Variants in SERPINB7 observed in about 807,000 individuals in gnomAD.
SERPINB7 encodes the protein serpin B7.
Under a neutral mutation model 37.4 loss-of-function variants are expected in SERPINB7, and 31 were observed. The observed-to-expected ratio is 0.83, with a 90% confidence interval of 0.62 to 1.12. SERPINB7 has a LOEUF of 1.12. Ranked by LOEUF, SERPINB7 falls within the 50% of genes most tolerant of loss-of-function variation. The pLI, the probability that SERPINB7 is intolerant of heterozygous loss-of-function variation, is 0.00. For synonymous variants in SERPINB7, 163 were observed against 166.1 expected (o/e 0.98, Z 0.14); for missense variants, 521 against 455.3 (o/e 1.14, Z -1.31).
chr18:63,789,677 A>T (rs888672960), intron 2 of SERPINB7, among the ~76,000 whole-genome samples: 6 of 152,222 alleles, frequency 3.9e-5, no homozygotes, highest in Non-Finnish European at 8.8e-5. Context: ...CATATTTTTA[A>T]AGGTATTGAA....
At chr18:63,756,577 A>C (rs1236474985) in intron 1 of SERPINB7, among the ~76,000 whole-genome samples, 8 of 152,202 alleles carry the variant, frequency 5.3e-5, no homozygotes, top group East Asian at 1.9e-4. Context: ...GAGTGGGCCC[A>C]GGTCTCCACT....
chr18:63,755,804 G>C (rs1325119778), intron 1 of SERPINB7, among the ~76,000 whole-genome samples: 1 of 152,068 alleles, frequency 6.6e-6, no homozygotes, highest in African/African-American at 2.4e-5. Flanking sequence ...TGAGGTGTGA[G>C]AATTGCTTGA....
At chr18:63,797,223 A>G (rs1338498445) in intron 5 of SERPINB7, among the ~76,000 whole-genome samples, 1 of 152,214 alleles carries the variant, frequency 6.6e-6, no homozygotes, top group Non-Finnish European at 1.5e-5. Context: ...TACTAAGCCT[A>G]GCTGTGCCTC....
intron 1 of SERPINB7, among the ~76,000 whole-genome samples, chr18:63,758,353 T>C (rs1251474807): frequency 1.3e-5 from 2 of 152,194 alleles, no homozygotes; most frequent in African/African-American, 2.4e-5. Flanking sequence ...ACTTTCTGCC[T>C]GATAGGACTT....
At chr18:63,793,774 T>C (rs1447876702) in intron 4 of SERPINB7, among the ~76,000 whole-genome samples, 1 of 152,232 alleles carries the variant, frequency 6.6e-6, no homozygotes, top group Non-Finnish European at 1.5e-5. Context: ...TTGCTGCAAC[T>C]ACAGGCATGA....
chr18:63,791,932 C>T (rs1330600386), intron 2 of SERPINB7, among the ~76,000 whole-genome samples: 6 of 152,130 alleles, frequency 3.9e-5, no homozygotes, highest in African/African-American at 1.2e-4. Context: ...TTCTGAGTTA[C>T]ATCATTGTAT....
chr18:63,762,199 A>C (rs548255160), intron 1 of SERPINB7, among the ~76,000 whole-genome samples: 1 of 152,204 alleles, frequency 6.6e-6, no homozygotes, highest in Non-Finnish European at 1.5e-5. Context: ...CCTGTGAAGA[A>C]AATTCGTTCA....
At chr18:63,801,120 G>T in intron 7 of SERPINB7, 108 bp downstream of exon 7, 1 of 1,030,912 alleles carries the variant, frequency 9.7e-7, no homozygotes. Flanking sequence ...AGATACTAGA[G>T]ACTTACCTGC....
chr18:63,793,858 G>A (rs917778031), intron 4 of SERPINB7, among the ~76,000 whole-genome samples: 8 of 152,098 alleles, frequency 5.3e-5, no homozygotes, highest in African/African-American at 1.9e-4. Context: ...ACATAGACAA[G>A]TCTTAGAAGG....
At chr18:63,776,055 T>A (rs1028480938) in intron 1 of SERPINB7, among the ~76,000 whole-genome samples, 1 of 152,100 alleles carries the variant, frequency 6.6e-6, no homozygotes, top group African/African-American at 2.4e-5. Flanking sequence ...CTTGGCTTGG[T>A]GTCCCAGCCC....
At chr18:63,768,258 T>A (rs1445112114) in intron 1 of SERPINB7, among the ~76,000 whole-genome samples, 1 of 142,460 alleles carries the variant, frequency 7.0e-6, no homozygotes, top group Non-Finnish European at 1.5e-5. Context: ...GGTTTGAGAC[T>A]GTTCTTCATT....
intron 5 of SERPINB7, 85 bp from the exon 6 acceptor site, chr18:63,798,519 A>C (rs575876885): frequency 1.8e-6 from 2 of 1,089,766 alleles, no homozygotes; most frequent in African/African-American, 3.2e-5. Context: ...TAAGAAAAAA[A>C]CTTCATACCA....
chr18:63,801,993 G>T (rs541490496), intron 7 of SERPINB7, among the ~76,000 whole-genome samples: 4 of 152,124 alleles, frequency 2.6e-5, no homozygotes, highest in Non-Finnish European at 5.9e-5. Flanking sequence ...GTTTTGGGAA[G>T]GGCTACTATG....
At chr18:63,789,868 C>T (rs1429376265) in intron 2 of SERPINB7, among the ~76,000 whole-genome samples, 1 of 152,146 alleles carries the variant, frequency 6.6e-6, no homozygotes, top group African/African-American at 2.4e-5. Flanking sequence ...GTACCATATG[C>T]TCACAGTGAC....
chr18:63,796,293 T>C lies in SERPINB7; in HGVS notation c.364T>C (p.Tyr122His). Residue 122 changes from tyrosine to histidine, a missense_variant, in exon 5 of 8, where the codon TAC (tyrosine) becomes CAC (histidine). Physicochemically the swap from Tyr to His is moderately conservative, Grantham distance 83 (BLOSUM62 2). Coordinates refer to ENST00000398019, the MANE Select transcript of SERPINB7 (RefSeq NM_003784.4). ...KDYIECAEKLYDAKVERVDFT... is the reference protein window; with the variant it reads ...KDYIECAEKLHDAKVERVDFT... ...CTACATTGAGTGTGCCGAAAAATTA[T>C]ACGATGCCAAAGTGGAGCGAGTTGA... 2 of 1,612,676 alleles carry C rather than the reference T, an allele frequency of 1.2e-6. No homozygotes were observed. Among genetic ancestry groups the C allele is most frequent in the Non-Finnish European group, 1.7e-6 (2 of 1,178,852 alleles).
chr18:63,759,993 T>C (rs2049143944), intron 1 of SERPINB7, among the ~76,000 whole-genome samples: 1 of 152,128 alleles, frequency 6.6e-6, no homozygotes, highest in South Asian at 2.1e-4. Flanking sequence ...GAGTGGGGTG[T>C]TGCTGAAAAA....
chr18:63,799,843 T>G (rs1042069933), intron 6 of SERPINB7, among the ~76,000 whole-genome samples: 4 of 152,102 alleles, frequency 2.6e-5, no homozygotes, highest in Non-Finnish European at 4.4e-5. Flanking sequence ...TGTAGGATGT[T>G]TTTTCCTAAA....
At chr18:63,787,455 A>C (rs918965111) in intron 2 of SERPINB7, among the ~76,000 whole-genome samples, 20 of 152,180 alleles carry the variant, frequency 1.3e-4, no homozygotes, top group African/African-American at 4.8e-4. Flanking sequence ...AAATATTTAA[A>C]CTTATTAAAA....
At chr18:63,770,418 T>A (rs1339671760), upstream of SERPINB7, among the ~76,000 whole-genome samples, 4 of 151,960 alleles carry the variant, frequency 2.6e-5, no homozygotes, top group Non-Finnish European at 4.4e-5. Context: ...ACTCTATGGC[T>A]TTTGTCCAGA....
Sources: allele counts gnomAD v4.1 joint callset (sites outside exome capture counted in the v4.1 genomes callset), GRCh38; gene constraint gnomAD v4.1.1; transcripts MANE v1.5; gene names NCBI Gene and HGNC (gene_info 2026-07-23, HGNC 2026-07-21).